Variants in TRRAP observed in about 807,000 individuals in gnomAD.
TRRAP encodes the protein transformation/transcription domain associated protein, also known as transformation/transcription domain-associated protein.
TRRAP carries 41 observed loss-of-function variants against 438.8 expected under a neutral mutation model. The ratio of observed to expected loss-of-function variants is 0.09; its 90% CI spans 0.07 to 0.12. The LOEUF (loss-of-function observed/expected upper bound fraction) is 0.12, where lower values mean the gene tolerates loss of function less well. Ranked by LOEUF, TRRAP falls within the 10% of genes least tolerant of loss-of-function variation. The pLI is 1.00. For missense variants in TRRAP, 3,122 were observed against 5,055.1 expected, an observed-to-expected ratio of 0.62 and a Z score of 11.60; for synonymous variants, 1,994 against 1,962.9, an observed-to-expected ratio of 1.02 and a Z score of -0.42.
At chr7:98,966,109 G>T (rs529196997) in intron 49 of TRRAP, among the ~76,000 whole-genome samples, 1 of 152,088 alleles carries the variant, frequency 6.6e-6, no homozygotes, top group East Asian at 1.9e-4. Context: ...GATTGAGACC[G>T]TCCTGGCTAA....
chr7:98,881,235 A>T lies in TRRAP; in HGVS notation c.85A>T (p.Thr29Ser), dbSNP rs1554403004. 2 of 1,610,006 alleles carry T rather than the reference A, an allele frequency of 1.2e-6. No homozygotes were observed. Among genetic ancestry groups the T allele is most frequent in the Admixed American group, 3.4e-5 (2 of 59,426 alleles). The part of the protein sequence containing the change: ...KKYLQFVAAL[T>S]DVNTPDETKL... ...GTACCTTCAGTTTGTGGCAGCTCTC[A>T]CAGATGTGAATACACGTGAGTTGAT... Residue 29 changes from threonine to serine, a missense_variant, in exon 2 of 73, where the codon ACA (threonine) becomes TCA (serine). Around this residue, in one of 24 missense-constraint regions of TRRAP, gnomAD observed 343 missense variants for 564.0 expected, o/e 0.61. Coordinates refer to ENST00000456197, the MANE Select transcript of TRRAP (RefSeq NM_001375524.1).
chr7:98,934,978 G>A (rs1790492452), intron 27 of TRRAP, among the ~76,000 whole-genome samples: 1 of 152,104 alleles, frequency 6.6e-6, no homozygotes, highest in Non-Finnish European at 1.5e-5. Flanking sequence ...TAGTTTTCCA[G>A]GATGTGAATG....
In TRRAP at chr7:98,959,410, C is replaced by G; in HGVS notation, c.6409C>G (p.Leu2137Val). ...EVLSRRCVNL[L>V]KTALRPDMWP... The stretch of plus-strand genomic sequence containing the variant: ...GCTCTCTCGCCGGTGTGTGAACCTT[C>G]TGAAGACTGCGTTGCGGCCAGACAT... The change falls in exon 45 of 73, where the codon CTG becomes GTG. Residue 2137 changes from leucine (L) to valine (V), a missense_variant. Physicochemically the swap from Leu to Val is conservative, Grantham distance 32. Coordinates refer to ENST00000456197, the MANE Select transcript of TRRAP (RefSeq NM_001375524.1). 1 of 1,614,138 alleles carries G rather than the reference C, an allele frequency of 6.2e-7. No homozygotes were observed. Among genetic ancestry groups the G allele is most frequent in the Non-Finnish European group, 8.5e-7 (1 of 1,180,042 alleles).
chr7:99,001,745 G>A (rs1793930717), intron 67 of TRRAP, among the ~76,000 whole-genome samples: 2 of 152,156 alleles, frequency 1.3e-5, no homozygotes, highest in Admixed American at 6.5e-5. Flanking sequence ...GCATGTGTGG[G>A]CTGCCAACCA....
At position 98,910,266 on chromosome 7, in the gene TRRAP, C is replaced by A. The variant is rs1554408501; in HGVS notation, c.1561C>A (p.Pro521Thr). ...ACCCCCACCTGCCACCCCTGTGACC[C>A]CGGCCCCCGTGCCTCCCTTCGAGAA... ...PPPPPATPVT[P>T]APVPPFEKQG... The change falls in exon 15 of 73, where the codon CCG (proline) becomes ACG (threonine). Residue 521 changes from proline (P) to threonine (T), a missense_variant. Pro to Thr is a conservative substitution (Grantham distance 38). Coordinates refer to ENST00000456197, the MANE Select transcript of TRRAP (RefSeq NM_001375524.1). The A allele has an allele frequency of 6.3e-7, 1 of 1,592,390 alleles. No homozygotes were observed.
At chr7:98,973,381 G>A (rs1211191168) in intron 53 of TRRAP, among the ~76,000 whole-genome samples, 3 of 152,194 alleles carry the variant, frequency 2.0e-5, no homozygotes, top group Non-Finnish European at 4.4e-5. Flanking sequence ...ACGTCATCAG[G>A]TGCCTGGGCC....
chr7:99,004,541 A>T, intron 68 of TRRAP, 126 bp downstream of exon 68: 1 of 831,920 alleles, frequency 1.2e-6, no homozygotes, highest in Non-Finnish European at 1.9e-6. Flanking sequence ...GGAGAACATA[A>T]GATGATTCTG....
chr7:98,956,505 T>C lies in TRRAP; in HGVS notation c.6203T>C (p.Phe2068Ser), dbSNP rs1554419851. Residue 2068 changes from phenylalanine (F) to serine (S), a missense_variant, in exon 43 of 73, where the codon TTT (phenylalanine) becomes TCT (serine). This residue lies in a region of TRRAP where 992 missense variants were observed against 1,281.2 expected (regional missense o/e 0.77). Coordinates refer to ENST00000456197, the MANE Select transcript of TRRAP (RefSeq NM_001375524.1). This position sits in a 1 kb window ranked among gnomAD's most constrained non-coding sequence, Gnocchi z 4.5. ...GATTCTGCCCAGGAAGTGAAACGCT[T>C]TAGGACGGCCACCGGAGCCATCAGT... The part of the protein sequence containing the change: ...SVDSAQEVKR[F>S]RTATGAISAV... 2 of 1,614,150 alleles carry C rather than the reference T, an allele frequency of 1.2e-6. No individual in the cohort carries two copies. The highest frequency in any genetic ancestry group is 1.7e-6 in the Non-Finnish European group (2 of 1,180,012).
chr7:98,910,644 G>A (rs782370678), intron 16 of TRRAP, 37 bp downstream of exon 16: 97 of 1,556,748 alleles, frequency 6.2e-5, no homozygotes, highest in Non-Finnish European at 8.2e-5. Flanking sequence ...TTCGCATATG[G>A]AAAGTACCTC....
Position 98,961,446 on chromosome 7 carries a change from C to G in TRRAP, c.6675C>G (p.Arg2225=). ...VLRAVHSLLS[R]LMSIFPTEPS... ...GAGCCGTCCACAGCCTTCTCTCGCG[C>G]CTGATGAGCATTTTCCCAACAGAGC... The change falls in exon 46 of 73, where the codon CGC becomes CGG. Residue 2225 remains arginine (R), a synonymous_variant. Coordinates refer to ENST00000456197, the MANE Select transcript of TRRAP (RefSeq NM_001375524.1). The G allele has an allele frequency of 6.2e-7, 1 of 1,614,252 alleles. No homozygotes were observed. Among genetic ancestry groups the G allele is most frequent in the Non-Finnish European group, 8.5e-7 (1 of 1,180,046 alleles).
Position 98,976,365 on chromosome 7 carries a change from T to G in TRRAP, c.7959+97T>G. The G allele has an allele frequency of 1.3e-6, 2 of 1,576,386 alleles. No individual in the cohort carries two copies. Among genetic ancestry groups the G allele is most frequent in the Non-Finnish European group, 1.7e-6 (2 of 1,163,254 alleles). On this transcript the variant is annotated intron_variant, in intron 54 of 72. Coordinates refer to ENST00000456197, the MANE Select transcript of TRRAP (RefSeq NM_001375524.1). This position sits in a 1 kb window ranked among gnomAD's most constrained non-coding sequence, Gnocchi z 4.6. ...ACAGTCTCGAACAAGTTTCAGAAAA[T>G]GAGGGAACCGCTGGCTGTCACTCGA...
In TRRAP at chr7:98,956,096, G is replaced by A. The variant is rs35501024; in HGVS notation, c.5938-50G>A. ...GCACGTGCGCACACGTGCATGCACTGTGGGACCAAGCTCCCATGTTCCGGC... is the reference window on the plus strand; with the variant it reads ...GCACGTGCGCACACGTGCATGCACTATGGGACCAAGCTCCCATGTTCCGGC... On this transcript the variant is annotated intron_variant, in intron 41 of 72. Coordinates refer to ENST00000456197, the MANE Select transcript of TRRAP (RefSeq NM_001375524.1). The surrounding 1 kb of genome is among the most constrained non-coding windows in gnomAD (Gnocchi z 4.5). 4.3e-4 allele frequency: 652 copies of A among 1,533,746 alleles called. 1 individual carries two copies. Among genetic ancestry groups the A allele is most frequent in the Non-Finnish European group, 5.2e-4 (592 of 1,147,214 alleles).
At chr7:98,964,857 T>G in intron 48 of TRRAP, 82 bp downstream of exon 48, 1 of 1,463,424 alleles carries the variant, frequency 6.8e-7, no homozygotes, top group Non-Finnish European at 9.1e-7. Flanking sequence ...GGGGCTGAAC[T>G]CTAAAGGGAA....
intron 20 of TRRAP, among the ~76,000 whole-genome samples, chr7:98,919,690 A>G (rs1201584897): frequency 6.6e-6 from 1 of 152,218 alleles, no homozygotes; most frequent in Non-Finnish European, 1.5e-5. Flanking sequence ...TGCCTTTAGA[A>G]CAGTAGTATT....
At chr7:98,945,613 A>T in intron 31 of TRRAP, 134 bp from the exon 32 acceptor site, 3 of 983,984 alleles carry the variant, frequency 3.0e-6, no homozygotes, top group East Asian at 2.7e-5. Context: ...TTTGTTAATT[A>T]CTGTGTGCTT....
At chr7:98,969,652 C>A (rs762111817) in intron 51 of TRRAP, among the ~76,000 whole-genome samples, 6 of 148,560 alleles carry the variant, frequency 4.0e-5, no homozygotes, top group African/African-American at 1.2e-4. Flanking sequence ...GGCCCAACTG[C>A]AGAGGCAGGC....
intron 43 of TRRAP, among the ~76,000 whole-genome samples, chr7:98,957,144 C>T (rs1791655338): frequency 6.6e-6 from 1 of 152,206 alleles, no homozygotes. Context: ...TCGCTCCACA[C>T]ATCTGGTCCG....
At chr7:98,990,341 T>C (rs1477100756) in intron 63 of TRRAP, 114 bp from the exon 64 acceptor site, 4 of 1,108,880 alleles carry the variant, frequency 3.6e-6, no homozygotes, top group African/African-American at 1.5e-5. Flanking sequence ...TAGATACTTT[T>C]TTTACATGGC....
intron 64 of TRRAP, among the ~76,000 whole-genome samples, chr7:98,991,409 A>G (rs547674053): frequency 6.6e-6 from 1 of 152,260 alleles, no homozygotes; most frequent in East Asian, 1.9e-4. Context: ...GCCCTGAGCG[A>G]TGCCCTGGTT....
Sources: gnomAD v4.1 joint callset for allele counts (sites outside exome capture counted in the v4.1 genomes callset) on GRCh38, gnomAD v4.1.1 for gene constraint, gnomAD v4.1.1 regional missense constraint, Gnocchi (gnomAD v3.1) non-coding constraint, MANE v1.5 for transcripts, NCBI Gene and HGNC (gene_info 2026-07-23, HGNC 2026-07-21) for gene names.